Variants in SLC22A23 observed in about 807,000 individuals in gnomAD.
SLC22A23 encodes solute carrier family 22 member 23, also known as ion transporter protein.
A neutral mutation model predicts 61.0 loss-of-function variants in SLC22A23; 26 were observed. That is an observed-to-expected ratio of 0.43 (90% confidence interval 0.31 to 0.59). The LOEUF is 0.59. Ranked by LOEUF, SLC22A23 falls within the 20% of genes least tolerant of loss-of-function variation. SLC22A23 has a pLI of 0.11. For synonymous variants in SLC22A23, 430 were observed against 413.9 expected (o/e 1.04, Z -0.47); for missense variants, 796 against 934.7 (o/e 0.85, Z 1.94).
chr6:3,440,278 C>T (rs551509167), intron 1 of SLC22A23, among the ~76,000 whole-genome samples: 1 of 152,272 alleles, frequency 6.6e-6, no homozygotes, highest in African/African-American at 2.4e-5. Flanking sequence ...CCTCAAAGCT[C>T]CAGCGTTGAA....
chr6:3,278,596 G>A (rs1004429952), intron 9 of SLC22A23, among the ~76,000 whole-genome samples: 6 of 152,184 alleles, frequency 3.9e-5, no homozygotes, highest in African/African-American at 7.2e-5. Context: ...GGATGCTTGC[G>A]GATCACACGG....
At chr6:3,287,623 G>A (rs1389716650) in intron 6 of SLC22A23, among the ~76,000 whole-genome samples, 1 of 151,918 alleles carries the variant, frequency 6.6e-6, no homozygotes, top group Non-Finnish European at 1.5e-5. Context: ...CAGCCTGGAG[G>A]AGTCGGGCAG....
rs1762750506 is a variant in SLC22A23, at chr6:3,318,181, G to A, written c.1082+5653C>T. ...CCTGCGGCTGCTGCCTATTAACCAA[G>A]CCTTTGTATTTTCTGTATTTCCTAA... On this transcript the variant is annotated intron_variant, in intron 4 of 9. Coordinates refer to ENST00000406686, the MANE Select transcript of SLC22A23 (RefSeq NM_015482.2). This position sits in a 1 kb window ranked among gnomAD's most constrained non-coding sequence, Gnocchi z 4.3. 6.6e-6 allele frequency among the ~76,000 whole-genome samples: 1 copy of A among 152,134 alleles called. No homozygotes were observed. The highest frequency in any genetic ancestry group is 1.5e-5 in the Non-Finnish European group (1 of 68,016).
At chr6:3,394,750 GC>G (rs1313341235) in intron 3 of SLC22A23, among the ~76,000 whole-genome samples, 1 of 152,200 alleles carries the variant, frequency 6.6e-6, no homozygotes, top group African/African-American at 2.4e-5. Flanking sequence ...TCTGAGGCCT[GC>G]CCCGCTCTGG....
chr6:3,298,330 G>A (rs898673248), intron 4 of SLC22A23, 112 bp from the exon 5 acceptor site: 43 of 1,268,066 alleles, frequency 3.4e-5, no homozygotes, highest in Non-Finnish European at 4.5e-5. Flanking sequence ...TCAGTCTCCA[G>A]ACACGCATCA....
intron 3 of SLC22A23, among the ~76,000 whole-genome samples, chr6:3,394,809 G>A (rs1407825162): frequency 1.3e-5 from 2 of 152,216 alleles, no homozygotes; most frequent in African/African-American, 4.8e-5. Flanking sequence ...CCTCTGTGGA[G>A]AGTCACATCC....
intron 3 of SLC22A23, among the ~76,000 whole-genome samples, chr6:3,337,808 G>A (rs1486151936): frequency 1.3e-5 from 2 of 152,386 alleles, no homozygotes; most frequent in South Asian, 4.1e-4. Context: ...AGATCAGGAA[G>A]TTGTGAAGGG....
At chr6:3,453,392 C>T (rs1772243432) in intron 1 of SLC22A23, among the ~76,000 whole-genome samples, 2 of 152,108 alleles carry the variant, frequency 1.3e-5, no homozygotes, top group Admixed American at 6.6e-5. Flanking sequence ...CCCTTTCCAT[C>T]GATGGAAGTG....
rs34898819 is a variant in SLC22A23, at chr6:3,286,100, AT to A, written c.1546+758del. 0.81 allele frequency among the ~76,000 whole-genome samples: 115,605 copies of A among 141,994 alleles called. 48,012 individuals carry two copies. The highest frequency in any genetic ancestry group is 0.91 in the Non-Finnish European group (59,197 of 64,710). 93.2% of individuals were successfully genotyped at this position (141,994 alleles called of 152,430 possible). A position where few individuals can be genotyped will look rare whatever the true frequency, so the allele number is the denominator to read the frequency against. ...GATGGACTCTCTAGCTTTGCCTTAG[AT>A]TTTTTTTTTTTTTTTGAGATGGAGT... On this transcript the variant is annotated intron_variant, in intron 7 of 9. Coordinates refer to ENST00000406686, the MANE Select transcript of SLC22A23 (RefSeq NM_015482.2). The surrounding 1 kb of genome is among the most constrained non-coding windows in gnomAD (Gnocchi z 4.2).
chr6:3,363,841 C>T (rs1226870863), intron 3 of SLC22A23, among the ~76,000 whole-genome samples: 1 of 152,270 alleles, frequency 6.6e-6, no homozygotes, highest in African/African-American at 2.4e-5. Context: ...CTGGTCCTCT[C>T]TTGGGCACTA....
rs895906718 is a variant in SLC22A23, at chr6:3,283,712, T to G, written c.1703+140A>C. 5.4e-6 allele frequency: 8 copies of G among 1,468,486 alleles called. No homozygotes were observed. In the Admixed American group the frequency reaches 1.6e-4, roughly 29 times the overall value. 91.0% of individuals were successfully genotyped at this position (1,468,486 alleles called of 1,614,324 possible). A position where few individuals can be genotyped will look rare whatever the true frequency, so the allele number is the denominator to read the frequency against. On this transcript the variant is annotated intron_variant, in intron 9 of 9. Transcript: ENST00000406686. The stretch of plus-strand genomic sequence containing the variant: ...CTCGGGGTTGGGTCCAACAGCCACC[T>G]CAGCTATGAACCACGAAGCTGATGT...
chr6:3,376,911 T>A (rs12660360), intron 3 of SLC22A23, among the ~76,000 whole-genome samples: 7,522 of 151,846 alleles, frequency 0.05, 226 homozygotes, highest in East Asian at 0.15. Context: ...AATGTGGCTA[T>A]GCAAATGGTA....
intron 1 of SLC22A23, among the ~76,000 whole-genome samples, chr6:3,449,542 T>C (rs922191323): frequency 9.2e-5 from 14 of 152,226 alleles, no homozygotes; most frequent in Non-Finnish European, 1.9e-4. Flanking sequence ...ACAGGAAATA[T>C]GGATGGCTCA....
intron 1 of SLC22A23, among the ~76,000 whole-genome samples, chr6:3,452,543 G>C (rs1308756506): frequency 7.0e-6 from 1 of 143,554 alleles, no homozygotes; most frequent in Non-Finnish European, 1.5e-5. Flanking sequence ...AGGCTTCAGA[G>C]AGCTGTGATA....
In SLC22A23 at chr6:3,333,796, C is replaced by A. The variant is rs1307016358; in HGVS notation, c.914-9794G>T. Among the ~76,000 whole-genome samples, 6 of 152,206 alleles carry A rather than the reference C, an allele frequency of 3.9e-5. No individual in the cohort carries two copies. Among genetic ancestry groups the A allele is most frequent in the Non-Finnish European group, 8.8e-5 (6 of 68,050 alleles). ...CCACCTCAGAAACACAGAGTCGGGG[C>A]CCTTCTCAGTCCTACTGTATCAGAA... is the stretch of plus-strand genomic sequence containing the variant. On this transcript the variant is annotated intron_variant, in intron 3 of 9. Coordinates refer to ENST00000406686, the MANE Select transcript of SLC22A23 (RefSeq NM_015482.2). This position sits in a 1 kb window ranked among gnomAD's most constrained non-coding sequence, Gnocchi z 4.1.
chr6:3,301,565 A>G (rs377506499), intron 4 of SLC22A23, among the ~76,000 whole-genome samples: 22 of 152,360 alleles, frequency 1.4e-4, no homozygotes, highest in East Asian at 1.2e-3. Flanking sequence ...CCATGGCAGG[A>G]AATGGATTTT....
At chr6:3,425,922 T>C (rs1217155959) in intron 1 of SLC22A23, among the ~76,000 whole-genome samples, 6 of 152,242 alleles carry the variant, frequency 3.9e-5, no homozygotes, top group Non-Finnish European at 8.8e-5. Flanking sequence ...TACAATTCTC[T>C]GGTTTATATT....
chr6:3,281,434 AC>A (rs1215976396), intron 9 of SLC22A23, among the ~76,000 whole-genome samples: 5 of 152,254 alleles, frequency 3.3e-5, no homozygotes, highest in Admixed American at 2.6e-4. Flanking sequence ...TTGTGGTGGA[AC>A]AAGTATGAAA....
intron 3 of SLC22A23, among the ~76,000 whole-genome samples, chr6:3,389,287 A>AAAG (rs1767513537): frequency 6.7e-6 from 1 of 150,338 alleles, no homozygotes; most frequent in African/African-American, 2.4e-5. Context: ...AAAAAAAAAA[A>AAAG]AAAAAAAAGC....
Sources: gnomAD v4.1 joint callset for allele counts (sites outside exome capture counted in the v4.1 genomes callset) on GRCh38, gnomAD v4.1.1 for gene constraint, Gnocchi (gnomAD v3.1) non-coding constraint, MANE v1.5 for transcripts, NCBI Gene and HGNC (gene_info 2026-07-23, HGNC 2026-07-21) for gene names.